Variants in LRRC49 observed in about 807,000 individuals in gnomAD.
The protein encoded by LRRC49 is leucine-rich repeat-containing protein 49.
In LRRC49, 50 loss-of-function variants were observed where a neutral mutation model predicts 83.3. The observed-to-expected ratio is 0.60, with a 90% CI of 0.48 to 0.76. LRRC49 has a LOEUF of 0.76. LRRC49 is among the 30% of genes least tolerant of loss of function. LRRC49 has a pLI of 0.00. For synonymous variants in LRRC49, 286 were observed against 283.3 expected (o/e 1.01, Z -0.10); for missense variants, 704 against 809.1 (o/e 0.87, Z 1.58).
At chr15:70,972,797 G>A (rs891846727) in intron 9 of LRRC49, among the ~76,000 whole-genome samples, 4 of 151,768 alleles carry the variant, frequency 2.6e-5, no homozygotes, top group African/African-American at 7.3e-5. Flanking sequence ...ACTTGTGTAC[G>A]CTTCACGAAA....
chr15:70,921,886 T>C (rs968236730), intron 7 of LRRC49, among the ~76,000 whole-genome samples: 3 of 151,784 alleles, frequency 2.0e-5, no homozygotes, highest in Non-Finnish European at 2.9e-5. Flanking sequence ...ATGTTTTTGA[T>C]GTAGAAAAGT....
At chr15:70,976,746 G>A (rs780176397) in intron 9 of LRRC49, among the ~76,000 whole-genome samples, 11 of 151,922 alleles carry the variant, frequency 7.2e-5, no homozygotes, top group Non-Finnish European at 1.5e-4. Context: ...AAAGGATATG[G>A]CTTTTGTCCC....
intron 6 of LRRC49, among the ~76,000 whole-genome samples, chr15:70,914,687 A>G (rs1196706622): frequency 3.3e-5 from 5 of 152,156 alleles, no homozygotes; most frequent in Non-Finnish European, 5.9e-5. Context: ...TCTAACCTAG[A>G]GCTTGTGTTG....
intron 8 of LRRC49, among the ~76,000 whole-genome samples, chr15:70,954,055 C>T (rs1001686293): frequency 2.0e-5 from 3 of 151,972 alleles, no homozygotes; most frequent in East Asian, 3.9e-4. Context: ...CCACCATGCC[C>T]AGCTAATTTT....
chr15:70,919,479 A>T (rs2034925214), intron 7 of LRRC49, among the ~76,000 whole-genome samples: 1 of 152,208 alleles, frequency 6.6e-6, no homozygotes, highest in Non-Finnish European at 1.5e-5. Flanking sequence ...CTGTTTTGTC[A>T]TGGGTATAGA....
chr15:70,870,374 G>C (rs746020660), intron 1 of LRRC49, among the ~76,000 whole-genome samples: 9 of 109,362 alleles, frequency 8.2e-5, no homozygotes, highest in African/African-American at 1.2e-4. Context: ...ATGCACTATA[G>C]TTGGTTACCA....
At chr15:70,993,651 G>A (rs1719592756) in intron 11 of LRRC49, among the ~76,000 whole-genome samples, 1 of 152,086 alleles carries the variant, frequency 6.6e-6, no homozygotes, top group African/African-American at 2.4e-5. Flanking sequence ...TACTTGGTTA[G>A]AACTATAATA....
intron 2 of LRRC49, chr15:70,894,821 C>T (rs1170926629): frequency 4.4e-6 from 1 of 224,876 alleles, no homozygotes; most frequent in Non-Finnish European, 9.1e-6. Context: ...CTGTTGATTA[C>T]ATTATATATG....
At chr15:71,008,904 C>T (rs1012335149) in intron 12 of LRRC49, among the ~76,000 whole-genome samples, 1 of 151,900 alleles carries the variant, frequency 6.6e-6, no homozygotes. Flanking sequence ...AAGTGATTCA[C>T]CTTACCACAT....
At chr15:70,947,321 G>A (rs2036044264) in intron 8 of LRRC49, among the ~76,000 whole-genome samples, 1 of 152,030 alleles carries the variant, frequency 6.6e-6, no homozygotes. Context: ...AAGAATTCAA[G>A]TTTTTTTCCA....
chr15:71,037,953 A>G (rs1363491214), intron 15 of LRRC49, among the ~76,000 whole-genome samples: 21 of 152,156 alleles, frequency 1.4e-4, no homozygotes, highest in Admixed American at 1.3e-3. Flanking sequence ...GAAGAAAACT[A>G]TGTAGTATTT....
rs776762085 is a variant in LRRC49 at position 71,008,619 on chromosome 15, A to T, written c.1407+3A>T. The T allele has an allele frequency of 6.3e-7, 1 of 1,595,908 alleles. No individual in the cohort carries two copies. Among genetic ancestry groups the T allele is most frequent in the Admixed American group, 1.7e-5 (1 of 59,708 alleles). ...AGATTAAGTTTCCTAATTCTCTGGT[A>T]AATATTTCCTTTTAGTAGTATATTT... On this transcript the variant is annotated splice_donor_region_variant and intron_variant, in intron 12 of 15. Transcript: ENST00000260382.
chr15:70,894,353 C>A lies in LRRC49; in HGVS notation c.105+713C>A, dbSNP rs114489427. On this transcript the variant is annotated intron_variant, in intron 2 of 15. Transcript: ENST00000260382. ...TAAAATGGTAATTGGGAGGGCATAT[C>A]CACACATCCCATTTAAAATCAGGGA... Among the ~76,000 whole-genome samples, 523 of 152,058 alleles carry A rather than the reference C, an allele frequency of 3.4e-3. 5 individuals carry two copies. The highest frequency in any genetic ancestry group is 0.012 in the African/African-American group (509 of 41,478).
At chr15:70,865,957 C>T (rs2032900733) in intron 1 of LRRC49, among the ~76,000 whole-genome samples, 1 of 152,130 alleles carries the variant, frequency 6.6e-6, no homozygotes, top group South Asian at 2.1e-4. Flanking sequence ...AGGTTCATAG[C>T]ATCCTGTGTT....
chr15:70,856,327 C>G (rs1342148420), intron 1 of LRRC49, among the ~76,000 whole-genome samples: 1 of 152,100 alleles, frequency 6.6e-6, no homozygotes, highest in Non-Finnish European at 1.5e-5. Flanking sequence ...TTATTTCTGA[C>G]TCCTCATAAA....
intron 3 of LRRC49, chr15:70,898,517 G>A (rs558609799): frequency 6.1e-6 from 4 of 655,534 alleles, no homozygotes; most frequent in African/African-American, 1.8e-5. Flanking sequence ...GCTCATGCCT[G>A]TAACCCCAGC....
chr15:70,914,288 A>G (rs1320481920), intron 6 of LRRC49, among the ~76,000 whole-genome samples: 1 of 152,200 alleles, frequency 6.6e-6, no homozygotes, highest in Non-Finnish European at 1.5e-5. Flanking sequence ...TTAGCATCTT[A>G]TAGTAAAGAA....
intron 14 of LRRC49, among the ~76,000 whole-genome samples, chr15:71,028,123 A>G (rs190489476): frequency 6.6e-6 from 1 of 152,328 alleles, no homozygotes; most frequent in East Asian, 1.9e-4. Context: ...TGTTCCATCA[A>G]TAACCAATTT....
At chr15:70,854,618 G>A (rs987762872) in intron 1 of LRRC49, among the ~76,000 whole-genome samples, 9 of 152,162 alleles carry the variant, frequency 5.9e-5, no homozygotes, top group African/African-American at 2.2e-4. Context: ...TAGTCTCCTT[G>A]ACATAATAAC....
Sources: allele counts gnomAD v4.1 joint callset (sites outside exome capture counted in the v4.1 genomes callset), GRCh38; gene constraint gnomAD v4.1.1; transcripts MANE v1.5; gene names NCBI Gene and HGNC (gene_info 2026-07-23, HGNC 2026-07-21).